NMNAT2: variants seen among roughly 807,000 people sequenced by gnomAD.
The protein encoded by NMNAT2 is nicotinamide nucleotide adenylyltransferase 2, also known as nicotinamide/nicotinic acid mononucleotide adenylyltransferase 2.
Under a neutral mutation model 41.6 loss-of-function variants are expected in NMNAT2, and 11 were observed. The observed-to-expected ratio is 0.26, with a 90% CI of 0.17 to 0.44. The LOEUF (loss-of-function observed/expected upper bound fraction) is 0.44. Ranked by LOEUF, NMNAT2 falls within the 20% of genes least tolerant of loss-of-function variation. NMNAT2 has a pLI of 1.00. For missense variants in NMNAT2, 288 were observed against 407.7 expected, an observed-to-expected ratio of 0.71 and a Z score of 2.53; for synonymous variants, 148 against 151.2, an observed-to-expected ratio of 0.98 and a Z score of 0.16.
At chr1:183,262,081 A>G (rs1660673510) in intron 8 of NMNAT2, among the ~76,000 whole-genome samples, 2 of 151,828 alleles carry the variant, frequency 1.3e-5, no homozygotes, top group Admixed American at 6.6e-5. Flanking sequence ...ACATACTACC[A>G]TACCTGGCTA....
chr1:183,394,838 T>A (rs1648587759), intron 1 of NMNAT2, among the ~76,000 whole-genome samples: 1 of 152,048 alleles, frequency 6.6e-6, no homozygotes, highest in Admixed American at 6.5e-5. Flanking sequence ...AAGCCACCAG[T>A]GGTTACAAAA....
At chr1:183,415,028 G>T (rs1020060840) in intron 1 of NMNAT2, among the ~76,000 whole-genome samples, 24 of 152,106 alleles carry the variant, frequency 1.6e-4, no homozygotes, top group African/African-American at 5.1e-4. Context: ...CTAGAATAGA[G>T]TGCAGTGTGC....
At chr1:183,366,110 C>T (rs1663405044) in intron 1 of NMNAT2, among the ~76,000 whole-genome samples, 1 of 152,212 alleles carries the variant, frequency 6.6e-6, no homozygotes. Context: ...TAGAAAGAAA[C>T]CCAAGAAATG....
chr1:183,417,973 G>T (rs1649302250), intron 1 of NMNAT2, among the ~76,000 whole-genome samples: 1 of 151,974 alleles, frequency 6.6e-6, no homozygotes, highest in African/African-American at 2.4e-5. Flanking sequence ...CTGCGAGCCG[G>T]GTCTGGCCCC....
intron 1 of NMNAT2, among the ~76,000 whole-genome samples, chr1:183,320,576 TG>T (rs1662338677): frequency 6.6e-6 from 1 of 152,232 alleles, no homozygotes; most frequent in African/African-American, 2.4e-5. Flanking sequence ...CACTCCAGCC[TG>T]GGCGACAGAG....
At chr1:183,344,660 G>A (rs1008124366) in intron 1 of NMNAT2, among the ~76,000 whole-genome samples, 6 of 152,156 alleles carry the variant, frequency 3.9e-5, no homozygotes, top group East Asian at 1.9e-4. Flanking sequence ...TGTGGGGGCC[G>A]TCCTGGGCAT....
intron 1 of NMNAT2, among the ~76,000 whole-genome samples, chr1:183,320,310 T>C (rs759565470): frequency 9.2e-5 from 14 of 152,162 alleles, no homozygotes; most frequent in Admixed American, 3.3e-4. Context: ...TTGGCAGAGA[T>C]TAAAATTTCT....
intron 1 of NMNAT2, among the ~76,000 whole-genome samples, chr1:183,313,167 T>C (rs1662164959): frequency 6.8e-6 from 1 of 146,322 alleles, no homozygotes; most frequent in Admixed American, 6.8e-5. Flanking sequence ...CTTACAAGCA[T>C]ACTATAGGAT....
intron 1 of NMNAT2, among the ~76,000 whole-genome samples, chr1:183,365,838 T>C (rs1663401175): frequency 6.6e-6 from 1 of 152,176 alleles, no homozygotes; most frequent in South Asian, 2.1e-4. Context: ...TGGGGGACAC[T>C]TGTCACGATG....
At chr1:183,381,068 G>A (rs1407034246) in intron 1 of NMNAT2, among the ~76,000 whole-genome samples, 2 of 152,190 alleles carry the variant, frequency 1.3e-5, no homozygotes, top group African/African-American at 4.8e-5. Flanking sequence ...ATCAACCATT[G>A]TGAGAATGAG....
chr1:183,259,471 G>C (rs1275779199), intron 10 of NMNAT2, among the ~76,000 whole-genome samples: 1 of 152,176 alleles, frequency 6.6e-6, no homozygotes. Flanking sequence ...CTTGGCTTCT[G>C]GGCCACCACT....
chr1:183,251,745 A>G lies in NMNAT2; in HGVS notation c.*896T>C, dbSNP rs1375636559. 1 of 153,142 alleles carries G rather than the reference A, an allele frequency of 6.5e-6. No individual in the cohort carries two copies. Among genetic ancestry groups the G allele is most frequent in the Non-Finnish European group, 1.5e-5 (1 of 68,310 alleles). The allele number at this position is 153,142 out of a possible 1,614,324, so 9.5% of individuals were successfully genotyped here. A position where few individuals can be genotyped will look rare whatever the true frequency, so the allele number is the denominator to read the frequency against. On this transcript the variant is annotated 3_prime_UTR_variant, in exon 11 of 11. Coordinates refer to ENST00000287713, the MANE Select transcript of NMNAT2 (RefSeq NM_015039.4). ...ATCATAAGCTCAGAGCATCAGGGAAATGGTCATTTGAAACTAAGAAAACAG... is the reference window on the plus strand; with the variant it reads ...ATCATAAGCTCAGAGCATCAGGGAAGTGGTCATTTGAAACTAAGAAAACAG...
intron 1 of NMNAT2, among the ~76,000 whole-genome samples, chr1:183,398,957 C>G (rs1273491367): frequency 6.6e-6 from 1 of 152,144 alleles, no homozygotes; most frequent in Non-Finnish European, 1.5e-5. Context: ...CAACAGAAAG[C>G]AGGAAAGATC....
At chr1:183,308,295 T>C (rs776942172) in intron 1 of NMNAT2, among the ~76,000 whole-genome samples, 15 of 152,210 alleles carry the variant, frequency 9.9e-5, no homozygotes, top group Admixed American at 6.5e-4. Context: ...GTTTTTAAAA[T>C]GACACTGATT....
intron 7 of NMNAT2, among the ~76,000 whole-genome samples, chr1:183,279,784 C>T (rs1661213923): frequency 6.6e-6 from 1 of 152,212 alleles, no homozygotes; most frequent in South Asian, 2.1e-4. Context: ...GTAAGGGAGC[C>T]CCACTGAGGA....
chr1:183,266,311 G>T (rs1660814441), intron 8 of NMNAT2, among the ~76,000 whole-genome samples: 1 of 152,116 alleles, frequency 6.6e-6, no homozygotes, highest in African/African-American at 2.4e-5. Context: ...GACTGATTAT[G>T]TTAAAATATA....
chr1:183,341,001 C>T (rs567842), intron 1 of NMNAT2, among the ~76,000 whole-genome samples: 107,661 of 152,204 alleles, frequency 0.71, 38,235 homozygotes, highest in East Asian at 0.91. Context: ...AGGCAACACC[C>T]GTCCTTGGTT....
At chr1:183,345,710 G>C (rs1409839912) in intron 1 of NMNAT2, among the ~76,000 whole-genome samples, 1 of 149,146 alleles carries the variant, frequency 6.7e-6, no homozygotes, top group Non-Finnish European at 1.5e-5. Flanking sequence ...TTTTTGAGAC[G>C]GAGTCTCACA....
chr1:183,272,403 A>G (rs551618034), intron 8 of NMNAT2, among the ~76,000 whole-genome samples: 5 of 152,154 alleles, frequency 3.3e-5, no homozygotes, highest in African/African-American at 1.2e-4. Flanking sequence ...GATTTCCCAT[A>G]CAGCCACTCT....
Sources: allele counts gnomAD v4.1 joint callset (sites outside exome capture counted in the v4.1 genomes callset), GRCh38; gene constraint gnomAD v4.1.1; transcripts MANE v1.5; gene names NCBI Gene and HGNC (gene_info 2026-07-23, HGNC 2026-07-21).